Variants in PAX3 observed in about 807,000 individuals in gnomAD.
The protein encoded by PAX3 is paired box 3.
A neutral mutation model predicts 51.6 loss-of-function variants in PAX3; 14 were observed. The observed-to-expected ratio is 0.27, with a 90% CI of 0.18 to 0.42. The LOEUF (loss-of-function observed/expected upper bound fraction) is 0.42, where lower values mean the gene tolerates loss of function less well. Ranked by LOEUF, PAX3 falls within the 10% of genes least tolerant of loss-of-function variation. The pLI is 1.00. For synonymous variants in PAX3, 280 were observed against 253.4 expected (o/e 1.11, Z -1.00); for missense variants, 540 against 642.8 (o/e 0.84, Z 1.73).
At chr2:222,267,323 C>G (rs895651876) in intron 4 of PAX3, among the ~76,000 whole-genome samples, 16 of 152,162 alleles carry the variant, frequency 1.1e-4, no homozygotes, top group Non-Finnish European at 1.9e-4. Context: ...CTTTGCACGT[C>G]ACTGATTGTG....
chr2:222,281,525 C>T (rs1216865057), intron 4 of PAX3, among the ~76,000 whole-genome samples: 4 of 152,224 alleles, frequency 2.6e-5, no homozygotes, highest in African/African-American at 7.2e-5. Flanking sequence ...TAAAAGCAGT[C>T]TGATGATCTG....
chr2:222,261,610 A>AAAAAAAG (rs1433313252), intron 4 of PAX3, among the ~76,000 whole-genome samples: 1 of 151,808 alleles, frequency 6.6e-6, no homozygotes, highest in Non-Finnish European at 1.5e-5. Context: ...ACAAAAAAAA[A>AAAAAAAG]AAAAAGAAAA....
At position 222,298,568 on chromosome 2, in the gene PAX3, C is replaced by G; in HGVS notation, c.48G>C (p.Pro16=). 2 of 1,607,950 alleles carry G rather than the reference C, an allele frequency of 1.2e-6. No homozygotes were observed. The highest frequency in any genetic ancestry group is 1.7e-6 in the Non-Finnish European group (2 of 1,177,672). ...ACCCGCTACGCGGGTAGTTCTGCCC[C>G]GGGCCCGGCCGCATCATCCTGGGCA... is the stretch of plus-strand genomic sequence containing the variant. ...GAVPRMMRPG[P]GQNYPRSGFP... Residue 16 remains proline, a synonymous_variant, in exon 1 of 9, where the codon CCG becomes CCC. Transcript: ENST00000392070.
intron 4 of PAX3, among the ~76,000 whole-genome samples, chr2:222,285,538 C>T (rs1694802487): frequency 6.6e-6 from 1 of 152,170 alleles, no homozygotes; most frequent in African/African-American, 2.4e-5. Context: ...CTGTAAAAAT[C>T]ACAAAATAAA....
chr2:222,274,329 A>G lies in PAX3; in HGVS notation c.586+19838T>C, dbSNP rs1227422343. Among the ~76,000 whole-genome samples the G allele has an allele frequency of 2.6e-5, 4 of 151,942 alleles. No homozygotes were observed. In the East Asian group the frequency reaches 7.7e-4, roughly 29 times the overall value. On this transcript the variant is annotated intron_variant, in intron 4 of 8. Transcript: ENST00000392070. Reference sequence around the variant, plus strand: ...GTTGATTTCAGTTCCCTTAAGGAGTATAAATTTATATTTATATTAATATTA... The same window carrying G: ...GTTGATTTCAGTTCCCTTAAGGAGTGTAAATTTATATTTATATTAATATTA...
At chr2:222,238,119 A>G (rs1692868402) in intron 4 of PAX3, among the ~76,000 whole-genome samples, 2 of 152,182 alleles carry the variant, frequency 1.3e-5, no homozygotes, top group Non-Finnish European at 2.9e-5. Flanking sequence ...GAAAGAAAGG[A>G]TCAAGCACAG....
intron 4 of PAX3, chr2:222,287,627 C>T (rs1186398691): frequency 6.6e-6 from 1 of 152,076 alleles, no homozygotes; most frequent in Non-Finnish European, 1.5e-5. Context: ...ATATCTAGAC[C>T]CAGGACATGG....
At chr2:222,283,828 C>G (rs1694732536) in intron 4 of PAX3, among the ~76,000 whole-genome samples, 1 of 152,216 alleles carries the variant, frequency 6.6e-6, no homozygotes, top group African/African-American at 2.4e-5. Context: ...ACAGGTCAGA[C>G]CAGTGCATGC....
chr2:222,278,031 A>T (rs940699944), intron 4 of PAX3, among the ~76,000 whole-genome samples: 3 of 151,720 alleles, frequency 2.0e-5, no homozygotes, highest in African/African-American at 7.3e-5. Context: ...TGTGTGACCG[A>T]AGACAATTAG....
intron 4 of PAX3, among the ~76,000 whole-genome samples, chr2:222,265,457 T>C (rs1694011082): frequency 6.6e-6 from 1 of 152,008 alleles, no homozygotes; most frequent in African/African-American, 2.4e-5. Context: ...ATCCAGACCA[T>C]CCTGGCTAAC....
chr2:222,255,452 C>T (rs1693602744), intron 4 of PAX3, among the ~76,000 whole-genome samples: 1 of 152,204 alleles, frequency 6.6e-6, no homozygotes, highest in Admixed American at 6.5e-5. Flanking sequence ...GGAGCCCCAC[C>T]TCAGTCTGCA....
chr2:222,280,698 A>G (rs1408312080), intron 4 of PAX3, among the ~76,000 whole-genome samples: 3 of 152,132 alleles, frequency 2.0e-5, no homozygotes, highest in Admixed American at 1.3e-4. Flanking sequence ...AGACAAGGAG[A>G]AGACCCAGAG....
intron 4 of PAX3, among the ~76,000 whole-genome samples, chr2:222,235,238 A>C (rs1222879146): frequency 6.6e-6 from 1 of 152,206 alleles, no homozygotes; most frequent in Non-Finnish European, 1.5e-5. Context: ...AAAAATCAAC[A>C]TTCCCCAGAA....
chr2:222,249,190 T>C (rs1334165885), intron 4 of PAX3, among the ~76,000 whole-genome samples: 1 of 152,200 alleles, frequency 6.6e-6, no homozygotes, highest in African/African-American at 2.4e-5. Context: ...TTAGCAAGAA[T>C]TAAATTGAAG....
At chr2:222,293,813 GCCCTA>G in intron 4 of PAX3, 1 of 1,613,928 alleles carries the variant, frequency 6.2e-7, no homozygotes, top group Non-Finnish European at 8.5e-7. Flanking sequence ...TCTATCCCCG[GCCCTA>G]CAATTGCTCA....
chr2:222,258,126 A>T (rs545759943), intron 4 of PAX3, among the ~76,000 whole-genome samples: 110 of 152,330 alleles, frequency 7.2e-4, no homozygotes, highest in African/African-American at 2.6e-3. Context: ...AACAAGCAAA[A>T]ATAAAAGCAA....
intron 5 of PAX3, 134 bp from the exon 6 acceptor site, chr2:222,221,521 G>A: frequency 1.2e-6 from 1 of 853,032 alleles, no homozygotes; most frequent in South Asian, 1.4e-5. Context: ...TCTGCCTTCT[G>A]TGTTGTTTGG....
chr2:222,257,815 G>C (rs1693703207), intron 4 of PAX3, among the ~76,000 whole-genome samples: 1 of 152,198 alleles, frequency 6.6e-6, no homozygotes, highest in South Asian at 2.1e-4. Context: ...GGGCTGTTTT[G>C]TGCCCACCAG....
intron 4 of PAX3, among the ~76,000 whole-genome samples, chr2:222,238,670 A>C (rs915308795): frequency 5.3e-5 from 8 of 152,166 alleles, no homozygotes; most frequent in Non-Finnish European, 8.8e-5. Flanking sequence ...GCCTCATACC[A>C]AACCCGATGG....
Sources: gnomAD v4.1 joint callset for allele counts (sites outside exome capture counted in the v4.1 genomes callset) on GRCh38, gnomAD v4.1.1 for gene constraint, MANE v1.5 for transcripts, NCBI Gene and HGNC (gene_info 2026-07-23, HGNC 2026-07-21) for gene names.